CEP76: variants seen among roughly 807,000 people sequenced by gnomAD.
CEP76 encodes the protein centrosomal protein 76.
CEP76 carries 55 observed loss-of-function variants against 83.3 expected under a neutral mutation model. The observed-to-expected ratio is 0.66, with a 90% CI of 0.53 to 0.83. The LOEUF (loss-of-function observed/expected upper bound fraction) is 0.83. Ranked by LOEUF, CEP76 falls within the 40% of genes least tolerant of loss-of-function variation. The pLI is 0.00. For missense variants in CEP76, 694 were observed against 799.5 expected, an observed-to-expected ratio of 0.87 and a Z score of 1.59; for synonymous variants, 270 against 274.5, an observed-to-expected ratio of 0.98 and a Z score of 0.16.
chr18:12,692,410 G>T (rs967928937), intron 6 of CEP76: 1 of 151,544 alleles, frequency 6.6e-6, no homozygotes, highest in South Asian at 2.1e-4. Context: ...ACTCTGGCCC[G>T]ACTATCTCAT....
intron 8 of CEP76, among the ~76,000 whole-genome samples, chr18:12,682,028 T>C (rs1341626918): frequency 1.3e-5 from 2 of 151,770 alleles, no homozygotes; most frequent in African/African-American, 4.8e-5. Context: ...AAAGAAAATA[T>C]CTGATACTGT....
At position 12,686,357 on chromosome 18, in the gene CEP76, CA is replaced by C; in HGVS notation, c.1026del (p.Phe342LeufsTer52). ...GCTCGTTCATAACCAAGGACATTAA[CA>C]AATCTTGCTGCTTGCCTTGGAGTAT... ...LLDTPRQAAR[F>X]VNVLGYERAP... On this transcript the variant is annotated frameshift_variant, in exon 8 of 12. Coordinates refer to ENST00000262127, the MANE Select transcript of CEP76 (RefSeq NM_024899.4). LOFTEE classifies it high-confidence loss of function. The C allele has an allele frequency of 6.2e-7, 1 of 1,614,112 alleles. No homozygotes were observed. The highest frequency in any genetic ancestry group is 8.5e-7 in the Non-Finnish European group (1 of 1,179,996).
intron 1 of CEP76, 105 bp downstream of exon 1, chr18:12,702,381 C>T: frequency 1.2e-6 from 1 of 860,456 alleles, no homozygotes; most frequent in Non-Finnish European, 1.9e-6. Flanking sequence ...ACAATCCTCG[C>T]TACAGTCCCG....
At chr18:12,699,264 G>A in intron 3 of CEP76, 61 bp from the exon 4 acceptor site, 1 of 1,172,502 alleles carries the variant, frequency 8.5e-7, no homozygotes, top group Non-Finnish European at 1.2e-6. Flanking sequence ...ATGTGATCAA[G>A]ACATTAGGAA....
rs370679694 is a variant in CEP76 at position 12,678,347 on chromosome 18, T to C, written c.1385A>G (p.His462Arg). 20 of 1,614,092 alleles carry C rather than the reference T, an allele frequency of 1.2e-5. No homozygotes were observed. Among genetic ancestry groups the C allele is most frequent in the Non-Finnish European group, 1.7e-5 (20 of 1,180,046 alleles). Residue 462 changes from histidine (H) to arginine (R), a missense_variant, in exon 10 of 12, where the codon CAT (histidine) becomes CGT (arginine). Physicochemically the swap from His to Arg is conservative, Grantham distance 29 (BLOSUM62 0). Coordinates refer to ENST00000262127, the MANE Select transcript of CEP76 (RefSeq NM_024899.4). The part of the protein sequence containing the change: ...PYRTIGCVFN[H>R]QMFLGNCQPS... ...TTGACAATTTCCCAGGAACATCTGA[T>C]GGTTGAAAACACAACCAATTGTTCG...
intron 11 of CEP76, among the ~76,000 whole-genome samples, chr18:12,674,035 TC>T (rs879444942): frequency 7.2e-5 from 11 of 152,080 alleles, no homozygotes; most frequent in Non-Finnish European, 1.3e-4. Flanking sequence ...GGGCAAATAA[TC>T]CCAGACTATC....
intron 7 of CEP76, 24 bp downstream of exon 7, chr18:12,691,335 A>C (rs748522948): frequency 6.7e-7 from 1 of 1,493,152 alleles, no homozygotes; most frequent in Non-Finnish European, 9.0e-7. Flanking sequence ...CAGGCATAAA[A>C]TTATTCTAAT....
chr18:12,662,263 A>C (rs1010538451), intron 12 of CEP76: 1 of 422,392 alleles, frequency 2.4e-6, no homozygotes, highest in Non-Finnish European at 4.7e-6. Context: ...AATACCTTAT[A>C]CATCTGTAGT....
In CEP76 at chr18:12,700,906, G is replaced by A. The variant is rs373326644; in HGVS notation, c.219+52C>T. Reference sequence around the variant, plus strand: ...ATCGGAACCTTATAAGTAGTGTTACGCATTAGTATATACATATATACTCTC... The same window carrying A: ...ATCGGAACCTTATAAGTAGTGTTACACATTAGTATATACATATATACTCTC... On this transcript the variant is annotated intron_variant, in intron 2 of 11. Coordinates refer to ENST00000262127, the MANE Select transcript of CEP76 (RefSeq NM_024899.4). 345 of 1,415,376 alleles carry A rather than the reference G, an allele frequency of 2.4e-4. 2 individuals carry two copies. In the African/African-American group the frequency reaches 4.1e-3, roughly 17 times the overall value. 87.7% of individuals were successfully genotyped at this position (1,415,376 alleles called of 1,614,324 possible). A position where few individuals can be genotyped will look rare whatever the true frequency, so the allele number is the denominator to read the frequency against.
chr18:12,672,276 G>A (rs188916651), downstream of CEP76, among the ~76,000 whole-genome samples: 352 of 151,200 alleles, frequency 2.3e-3, 2 homozygotes, highest in South Asian at 0.014. Context: ...CACCGCACCC[G>A]GCCTAATTTT....
intron 12 of CEP76, chr18:12,665,180 T>G (rs1321514124): frequency 1.3e-5 from 2 of 152,136 alleles, no homozygotes; most frequent in Non-Finnish European, 2.9e-5. Flanking sequence ...TCCCTTTAAT[T>G]CAACTAGATG....
Position 12,690,554 on chromosome 18 carries a change from C to T in CEP76, c.933+805G>A, listed in dbSNP as rs554725645. On this transcript the variant is annotated intron_variant, in intron 7 of 11. Coordinates refer to ENST00000262127, the MANE Select transcript of CEP76 (RefSeq NM_024899.4). ...CACTGCAAGCTCCGCCTCCCGGGTT[C>T]ACGCCATTCTCCTGCCTCAGCCTCC... 5.9e-5 allele frequency among the ~76,000 whole-genome samples: 9 copies of T among 151,852 alleles called. No individual in the cohort carries two copies. In the South Asian group the frequency reaches 1.9e-3, roughly 32 times the overall value.
chr18:12,701,066 C>A lies in CEP76; in HGVS notation c.111G>T (p.Arg37=). 6.2e-7 allele frequency: 1 copy of A among 1,613,554 alleles called. No homozygotes were observed. The highest frequency in any genetic ancestry group is 8.5e-7 in the Non-Finnish European group (1 of 1,179,636). ...RIREILAETI[R]EELAPDQQHL... is the part of the protein sequence containing the mutation. ...GCTGTTGATCAGGTGCCAATTCTTC[C>A]CGTATAGTCTCAGCAAGGATTTCTC... The change falls in exon 2 of 12, where the codon CGG becomes CGT. Residue 37 remains arginine, a synonymous_variant. Coordinates refer to ENST00000262127, the MANE Select transcript of CEP76 (RefSeq NM_024899.4).
At chr18:12,665,416 AT>A (rs890349856) in intron 12 of CEP76, among the ~76,000 whole-genome samples, 1 of 151,896 alleles carries the variant, frequency 6.6e-6, no homozygotes, top group Non-Finnish European at 1.5e-5. Context: ...TTTCCTTAGG[AT>A]TTCCCCTGAA....
chr18:12,670,523 A>G (rs770541460), downstream of CEP76: 9 of 152,184 alleles, frequency 5.9e-5, no homozygotes, highest in Non-Finnish European at 1.2e-4. Context: ...CTCAGCCTCA[A>G]TGTTAATACA....
Position 12,680,732 on chromosome 18 carries a change from G to T in CEP76, c.1219C>A (p.Pro407Thr), listed in dbSNP as rs759147245. 6.2e-7 allele frequency: 1 copy of T among 1,613,638 alleles called. No individual in the cohort carries two copies. Among genetic ancestry groups the T allele is most frequent in the South Asian group, 1.1e-5 (1 of 91,066 alleles). The change falls in exon 9 of 12, where the codon CCT becomes ACT. Residue 407 changes from proline to threonine, a missense_variant. By Grantham distance (38) the Pro-to-Thr change is conservative. Transcript: ENST00000262127. ...CCACAAGTCATAACCCATGCATGAG[G>T]TACTCCTTTTGCCTTGGTCCCAACA... ...VCVGTKAKGV[P>T]HAWVMTCGTD...
chr18:12,671,594 T>A (rs1274182250), downstream of CEP76, among the ~76,000 whole-genome samples: 2 of 151,526 alleles, frequency 1.3e-5, no homozygotes, highest in Non-Finnish European at 2.9e-5. Context: ...ACACTTTTTT[T>A]AATATATAAA....
At chr18:12,681,884 T>A (rs2039361967) in intron 8 of CEP76, among the ~76,000 whole-genome samples, 1 of 151,888 alleles carries the variant, frequency 6.6e-6, no homozygotes, top group African/African-American at 2.4e-5. Context: ...TAATCCCAGC[T>A]ACTCAGGAGG....
At position 12,691,414 on chromosome 18, in the gene CEP76, TCTCTC is replaced by T; in HGVS notation, c.873_877del (p.Trp291Ter). 2.5e-6 allele frequency: 4 copies of T among 1,608,310 alleles called. No individual in the cohort carries two copies. The highest frequency in any genetic ancestry group is 3.4e-6 in the Non-Finnish European group (4 of 1,176,786). On this transcript the variant is annotated stop_gained and frameshift_variant, in exon 7 of 12. Transcript: ENST00000262127. LOFTEE classifies it high-confidence loss of function. ...GTGTGAGGGTCGAATTTGCAAATAT[TCTCTC>T]CACCACTGCTTAGCATATACAAGAA...
Sources: gnomAD v4.1 joint callset for allele counts (sites outside exome capture counted in the v4.1 genomes callset) on GRCh38, gnomAD v4.1.1 for gene constraint, MANE v1.5 for transcripts, NCBI Gene and HGNC (gene_info 2026-07-23, HGNC 2026-07-21) for gene names.